Variants in RBFOX3 observed in about 807,000 individuals in gnomAD.
RBFOX3 encodes the protein RNA binding fox-1 homolog 3, also known as RNA binding protein fox-1 homolog 3.
A neutral mutation model predicts 48.7 loss-of-function variants in RBFOX3; 17 were observed. The ratio of observed to expected loss-of-function variants is 0.35; its 90% CI spans 0.24 to 0.52. The LOEUF (loss-of-function observed/expected upper bound fraction) is 0.52. Among genes scored for constraint, RBFOX3 ranks in the 20% least tolerant of loss-of-function variants. The probability of loss-of-function intolerance (pLI) is 0.94; values close to 1 mark genes in which losing one functional copy is unlikely to be tolerated. For synonymous variants in RBFOX3, 212 were observed against 209.5 expected, an observed-to-expected ratio of 1.01 and a Z score of -0.10; for missense variants, 382 against 497.5, an observed-to-expected ratio of 0.77 and a Z score of 2.21.
chr17:79,452,334 G>A (rs1303723932), intron 2 of RBFOX3, among the ~76,000 whole-genome samples: 2 of 152,220 alleles, frequency 1.3e-5, no homozygotes, highest in South Asian at 2.1e-4. Context: ...GAGGAACGCA[G>A]CAGTCATGGT....
intron 4 of RBFOX3, among the ~76,000 whole-genome samples, chr17:79,123,576 G>A (rs914737682): frequency 2.0e-5 from 3 of 152,040 alleles, no homozygotes; most frequent in African/African-American, 7.2e-5. Flanking sequence ...CGCTAACAAC[G>A]GCCCTAATGG....
At chr17:79,608,130 C>G (rs1599282772) in intron 1 of RBFOX3, among the ~76,000 whole-genome samples, 1 of 152,196 alleles carries the variant, frequency 6.6e-6, no homozygotes, top group African/African-American at 2.4e-5. Context: ...GTGGAGGCCC[C>G]GGCCCTGTCC....
At chr17:79,632,741 T>C in the RBFOX3 span, among the ~76,000 whole-genome samples, 1 of 125,508 alleles carries the variant, frequency 8.0e-6, no homozygotes, top group Admixed American at 7.9e-5. Context: ...ACGTATCTAC[T>C]AAAAAAAAAA....
At position 79,140,536 on chromosome 17, in the gene RBFOX3, C is replaced by T. The variant is rs117896512; in HGVS notation, c.-33-24788G>A. 3.2e-3 allele frequency among the ~76,000 whole-genome samples: 492 copies of T among 152,354 alleles called. 12 individuals are homozygous for T. The highest frequency in any genetic ancestry group is 0.02 in the Admixed American group (309 of 15,308). On this transcript the variant is annotated intron_variant, in intron 4 of 14. Transcript: ENST00000693108. ...GCTGTAAAGCTCACGATGGCCCAGG[C>T]GGTGACAGTCCCTGGTTTTGCAGAC...
chr17:79,583,706 T>C (rs1162056429), intron 1 of RBFOX3, among the ~76,000 whole-genome samples: 2 of 152,294 alleles, frequency 1.3e-5, no homozygotes, highest in African/African-American at 4.8e-5. Context: ...GTGGCTCTGG[T>C]AGCATTTCAT....
Position 79,094,482 on chromosome 17 carries a change from C to A in RBFOX3, c.1046G>T (p.Gly349Val). The A allele has an allele frequency of 1.4e-6, 2 of 1,468,716 alleles. No homozygotes were observed. The highest frequency in any genetic ancestry group is 1.3e-5 in the South Asian group (1 of 75,360). The allele number at this position is 1,468,716 out of a possible 1,614,324, so 91.0% of individuals were successfully genotyped here. ...AAADPYHHTI[G>V]PAATYSIGTM is the part of the protein sequence containing the mutation. Reference sequence around the variant, plus strand: ...TCCAATGCTGTAGGTCGCCGCGGGCCCGATGGTGTGATGGTACGGGTCGGC... The same window carrying A: ...TCCAATGCTGTAGGTCGCCGCGGGCACGATGGTGTGATGGTACGGGTCGGC... The change falls in exon 14 of 15, where the codon GGG (glycine) becomes GTG (valine). Residue 349 changes from glycine to valine, a missense_variant. Coordinates refer to ENST00000693108, the MANE Select transcript of RBFOX3 (RefSeq NM_001350451.2).
intron 1 of RBFOX3, among the ~76,000 whole-genome samples, chr17:79,578,185 G>A (rs1243314284): frequency 3.3e-5 from 5 of 152,254 alleles, no homozygotes; most frequent in Admixed American, 6.5e-5. Context: ...TCTCTTACCC[G>A]TGGGGGATTT....
At chr17:79,565,618 G>A (rs951088417) in intron 1 of RBFOX3, among the ~76,000 whole-genome samples, 6 of 152,130 alleles carry the variant, frequency 3.9e-5, no homozygotes, top group Non-Finnish European at 5.9e-5. Flanking sequence ...TGGGGTTACA[G>A]GTGTGAGCCA....
At chr17:79,483,097 C>T (rs984235496) in intron 1 of RBFOX3, among the ~76,000 whole-genome samples, 5 of 152,128 alleles carry the variant, frequency 3.3e-5, no homozygotes, top group Non-Finnish European at 7.4e-5. Context: ...ACACAGCCTT[C>T]CACTGGTGTC....
chr17:79,348,872 G>A (rs983517109), intron 2 of RBFOX3, among the ~76,000 whole-genome samples: 2 of 151,594 alleles, frequency 1.3e-5, no homozygotes, highest in Non-Finnish European at 2.9e-5. Context: ...CACCACCCCC[G>A]GCCTAAACCC....
chr17:79,612,868 C>A (rs2093979393), upstream of RBFOX3, among the ~76,000 whole-genome samples: 2 of 152,198 alleles, frequency 1.3e-5, no homozygotes, highest in Non-Finnish European at 2.9e-5. Flanking sequence ...GCTCTTGCCT[C>A]GCTGTGCCGG....
intron 2 of RBFOX3, among the ~76,000 whole-genome samples, chr17:79,439,510 T>G (rs1568252325): frequency 6.6e-6 from 1 of 152,206 alleles, no homozygotes; most frequent in South Asian, 2.1e-4. Context: ...TTTTGAGAAG[T>G]TTCCAGGAGG....
intron 4 of RBFOX3, among the ~76,000 whole-genome samples, chr17:79,180,021 C>T (rs2051525761): frequency 6.6e-6 from 1 of 152,220 alleles, no homozygotes; most frequent in Non-Finnish European, 1.5e-5. Flanking sequence ...GGTCACCCCT[C>T]ATGAGCTCTT....
chr17:79,636,994 A>G, the RBFOX3 span, among the ~76,000 whole-genome samples: 2 of 152,228 alleles, frequency 1.3e-5, no homozygotes, highest in Non-Finnish European at 2.9e-5. Context: ...ACAAATGATA[A>G]CATGGGTGGC....
chr17:79,370,366 T>G (rs929022745), intron 2 of RBFOX3, among the ~76,000 whole-genome samples: 3 of 152,196 alleles, frequency 2.0e-5, no homozygotes, highest in Non-Finnish European at 4.4e-5. Context: ...CAGAATGCAC[T>G]TGCTGCCACC....
At chr17:79,146,183 A>G (rs1446999570) in intron 4 of RBFOX3, among the ~76,000 whole-genome samples, 1 of 152,138 alleles carries the variant, frequency 6.6e-6, no homozygotes, top group African/African-American at 2.4e-5. Flanking sequence ...TGTGCGCCCC[A>G]GTTCCCACCA....
At chr17:79,323,222 G>A (rs77848809) in intron 2 of RBFOX3, among the ~76,000 whole-genome samples, 14,663 of 152,260 alleles carry the variant, frequency 0.096, 873 homozygotes, top group African/African-American at 0.17. Flanking sequence ...GCATGCAACA[G>A]GAGCAGATTT....
chr17:79,342,601 C>A (rs990686165), intron 2 of RBFOX3, among the ~76,000 whole-genome samples: 1 of 152,146 alleles, frequency 6.6e-6, no homozygotes, highest in Admixed American at 6.5e-5. Context: ...AGCCAGTGAG[C>A]GAAGTGCTTT....
chr17:79,353,964 T>C (rs377748946), intron 2 of RBFOX3, among the ~76,000 whole-genome samples: 108 of 152,296 alleles, frequency 7.1e-4, no homozygotes, highest in African/African-American at 2.4e-3. Flanking sequence ...AGATCTTCCC[T>C]TTCACCACCC....
Sources: allele counts gnomAD v4.1 joint callset (sites outside exome capture counted in the v4.1 genomes callset), GRCh38; gene constraint gnomAD v4.1.1; transcripts MANE v1.5; gene names NCBI Gene and HGNC (gene_info 2026-07-23, HGNC 2026-07-21).